Variants in PHTF1 observed in about 807,000 individuals in gnomAD.
PHTF1 encodes the protein putative homeodomain transcription factor 1, also known as protein PHTF1.
A neutral mutation model predicts 102.4 loss-of-function variants in PHTF1; 88 were observed. That is an observed-to-expected ratio of 0.86 (90% CI 0.72 to 1.03). PHTF1 has a LOEUF of 1.03. Ranked by LOEUF, PHTF1 falls within the 50% of genes least tolerant of loss-of-function variation. The pLI is 0.00. For synonymous variants in PHTF1, 289 were observed against 305.2 expected (o/e 0.95, Z 0.55); for missense variants, 814 against 909.5 (o/e 0.89, Z 1.35).
intron 15 of PHTF1, among the ~76,000 whole-genome samples, chr1:113,701,309 A>G (rs1649413536): frequency 6.6e-6 from 1 of 152,184 alleles, no homozygotes; most frequent in Admixed American, 6.5e-5. Flanking sequence ...TCCCTAAAAC[A>G]TGTGGCTCAT....
intron 3 of PHTF1, 111 bp downstream of exon 3, chr1:113,757,588 G>A: frequency 1.4e-6 from 1 of 732,448 alleles, no homozygotes; most frequent in Non-Finnish European, 2.4e-6. Flanking sequence ...AACCTTCAAA[G>A]ATTAAAGAAT....
chr1:113,738,745 C>T lies in PHTF1; in HGVS notation c.157G>A (p.Val53Ile), dbSNP rs376636226. Residue 53 changes from valine to isoleucine, a missense_variant, in exon 4 of 19, where the codon GTT becomes ATT. Coordinates refer to ENST00000369604, the MANE Select transcript of PHTF1 (RefSeq NM_001323043.2). ...TAAGACTAACCTCTGATTAAGTCAA[C>T]GTCAATCAAGTCTGGCTTTATGTGG... ...MGHIKPDLIDVDLIRGSTFAK... is the reference protein window; with the variant it reads ...MGHIKPDLIDIDLIRGSTFAK... 7 of 1,595,824 alleles carry T rather than the reference C, an allele frequency of 4.4e-6. No homozygotes were observed. Among genetic ancestry groups the T allele is most frequent in the African/African-American group, 1.3e-5 (1 of 74,292 alleles).
At chr1:113,721,546 T>C (rs1289203763) in intron 7 of PHTF1, among the ~76,000 whole-genome samples, 1 of 152,030 alleles carries the variant, frequency 6.6e-6, no homozygotes, top group Non-Finnish European at 1.5e-5. Context: ...GGCCTACAAA[T>C]TGGAAAAGAA....
At chr1:113,702,217 AAATT>A (rs1331673363) in intron 15 of PHTF1, among the ~76,000 whole-genome samples, 2 of 152,190 alleles carry the variant, frequency 1.3e-5, no homozygotes, top group Non-Finnish European at 2.9e-5. Flanking sequence ...AGACTATAAA[AAATT>A]AAGCATGCAT....
At chr1:113,733,364 A>T (rs1655001008) in intron 5 of PHTF1, among the ~76,000 whole-genome samples, 1 of 152,116 alleles carries the variant, frequency 6.6e-6, no homozygotes, top group Admixed American at 6.6e-5. Flanking sequence ...TATTTCAAAG[A>T]ACAAATCCTA....
intron 7 of PHTF1, among the ~76,000 whole-genome samples, chr1:113,721,847 G>A (rs1044694784): frequency 5.9e-5 from 9 of 151,586 alleles, no homozygotes; most frequent in African/African-American, 1.9e-4. Flanking sequence ...CCGCCACCAC[G>A]CCCGGCTAAT....
intron 3 of PHTF1, among the ~76,000 whole-genome samples, chr1:113,754,005 G>C (rs1273131270): frequency 6.6e-6 from 1 of 152,184 alleles, no homozygotes; most frequent in Non-Finnish European, 1.5e-5. Context: ...TATAAGTATA[G>C]TAGCTTGTAA....
In PHTF1 at chr1:113,698,220, AT is replaced by A. The variant is rs1382322985; in HGVS notation, c.2268+41del. 13 of 1,505,338 alleles carry A rather than the reference AT, an allele frequency of 8.6e-6. No individual in the cohort carries two copies. The Admixed American group carries it at 2.1e-4, about 24-fold the overall frequency. 93.2% of individuals were successfully genotyped at this position (1,505,338 alleles called of 1,614,324 possible). ...AGAACACAGATTTCTGTACATAGTA[AT>A]TTTTAAGACTAGGATGCTACAGAGT... On this transcript the variant is annotated intron_variant, in intron 18 of 18. Transcript: ENST00000369604.
At chr1:113,698,506 TTCAAAGAGC>T in intron 17 of PHTF1, 119 bp from the exon 18 acceptor site, 1 of 823,960 alleles carries the variant, frequency 1.2e-6, no homozygotes, top group Non-Finnish European at 1.9e-6. Flanking sequence ...TTCCTTAATA[TTCAAAGAGC>T]TACCTTCAAA....
At chr1:113,758,547 T>A in intron 2 of PHTF1, 112 bp downstream of exon 2, 2 of 478,524 alleles carry the variant, frequency 4.2e-6, no homozygotes, top group Non-Finnish European at 3.6e-6. Context: ...TGTTGAAGTA[T>A]ACATGAACAC....
At chr1:113,759,549 G>A (rs192418097), upstream of PHTF1, 439 of 152,544 alleles carry the variant, frequency 2.9e-3, 1 homozygote, top group Non-Finnish European at 4.6e-3. Flanking sequence ...CCGCTTTCCG[G>A]CTTTCGCCGC....
chr1:113,700,252 A>T (rs1429835906), intron 16 of PHTF1: 1 of 662,088 alleles, frequency 1.5e-6, no homozygotes. Context: ...TTCTAAGACA[A>T]AAAAAAAACA....
At chr1:113,705,683 G>A (rs1484995363) in intron 13 of PHTF1, 4 of 526,398 alleles carry the variant, frequency 7.6e-6, no homozygotes, top group East Asian at 6.5e-5. Context: ...TTCTACACAT[G>A]AGGCCTGGCA....
intron 8 of PHTF1, among the ~76,000 whole-genome samples, chr1:113,712,740 T>C (rs1450192130): frequency 1.3e-5 from 2 of 152,198 alleles, no homozygotes; most frequent in Non-Finnish European, 2.9e-5. Context: ...CTAATCTGTT[T>C]ATTAAATCTA....
At chr1:113,709,670 C>T (rs898946575) in intron 11 of PHTF1, among the ~76,000 whole-genome samples, 15 of 152,148 alleles carry the variant, frequency 9.9e-5, no homozygotes, top group African/African-American at 3.6e-4. Flanking sequence ...ATGCTATGTA[C>T]TTTATATTAT....
In PHTF1 at chr1:113,711,740, C is replaced by T. The variant is rs762449768; in HGVS notation, c.1047+6G>A. 6 of 1,604,416 alleles carry T rather than the reference C, an allele frequency of 3.7e-6. No homozygotes were observed. The highest frequency in any genetic ancestry group is 4.3e-6 in the Non-Finnish European group (5 of 1,171,276). ...TATACCTTGATTTCTCAAAGGGATA[C>T]TTTACCTGGCTGAAGGCTGCTGATT... On this transcript the variant is annotated splice_donor_region_variant and intron_variant, in intron 10 of 18. Transcript: ENST00000369604.
intron 7 of PHTF1, among the ~76,000 whole-genome samples, chr1:113,723,400 A>G (rs527596653): frequency 5.3e-5 from 8 of 151,694 alleles, no homozygotes; most frequent in African/African-American, 1.9e-4. Context: ...CTGGTCTTGA[A>G]CTCCTGACCT....
rs1174949141 is a variant in PHTF1 at position 113,704,647 on chromosome 1, T to C, written c.1803+19A>G. The C allele has an allele frequency of 1.5e-5, 23 of 1,554,434 alleles. No homozygotes were observed. Among genetic ancestry groups the C allele is most frequent in the Non-Finnish European group, 2.0e-5 (23 of 1,141,346 alleles). On this transcript the variant is annotated intron_variant, in intron 14 of 18. Coordinates refer to ENST00000369604, the MANE Select transcript of PHTF1 (RefSeq NM_001323043.2). Reference sequence around the variant, plus strand: ...GCATATTCTTGCACATACTCTATTGTTAATCAAATAAAACTCACCTTTAGA... The same window carrying C: ...GCATATTCTTGCACATACTCTATTGCTAATCAAATAAAACTCACCTTTAGA...
At chr1:113,736,395 C>G (rs1655500224) in intron 5 of PHTF1, among the ~76,000 whole-genome samples, 1 of 148,884 alleles carries the variant, frequency 6.7e-6, no homozygotes, top group Non-Finnish European at 1.5e-5. Context: ...ATGAAAGTTA[C>G]AACCCAGCTG....
Sources: gnomAD v4.1 joint callset for allele counts (sites outside exome capture counted in the v4.1 genomes callset) on GRCh38, gnomAD v4.1.1 for gene constraint, MANE v1.5 for transcripts, NCBI Gene and HGNC (gene_info 2026-07-23, HGNC 2026-07-21) for gene names.